DNAH17: variants seen among roughly 807,000 people sequenced by gnomAD.
The protein encoded by DNAH17 is dynein axonemal heavy chain 17.
In DNAH17, 376 loss-of-function variants were observed where a neutral mutation model predicts 485.6. The observed-to-expected ratio is 0.77, with a 90% confidence interval of 0.71 to 0.84. DNAH17 has a LOEUF of 0.84. DNAH17 is among the 40% of genes least tolerant of loss of function. The pLI is 0.00. For missense variants in DNAH17, 6,370 were observed against 5,839.3 expected, an observed-to-expected ratio of 1.09 and a Z score of -2.96; for synonymous variants, 3,031 against 2,405.9, an observed-to-expected ratio of 1.26 and a Z score of -7.60.
chr17:78,496,304 C>G (rs924722762), intron 37 of DNAH17, among the ~76,000 whole-genome samples: 7 of 151,918 alleles, frequency 4.6e-5, no homozygotes, highest in African/African-American at 1.7e-4. Flanking sequence ...TTGAGCCCAG[C>G]CTAGGCAACA....
intron 14 of DNAH17, among the ~76,000 whole-genome samples, chr17:78,557,512 G>A (rs150898421): frequency 7.3e-5 from 11 of 151,640 alleles, no homozygotes; most frequent in Non-Finnish European, 1.0e-4. Context: ...GGTGGTACAC[G>A]CCTGTAGTCC....
At chr17:78,562,694 G>A (rs778517447) in intron 11 of DNAH17, among the ~76,000 whole-genome samples, 6 of 152,138 alleles carry the variant, frequency 3.9e-5, no homozygotes, top group African/African-American at 1.4e-4. Flanking sequence ...TTATATACCT[G>A]GGCTTCTACT....
chr17:78,554,461 A>AAAAAAC, intron 14 of DNAH17, among the ~76,000 whole-genome samples: 1 of 147,022 alleles, frequency 6.8e-6, no homozygotes, highest in Non-Finnish European at 1.5e-5. Flanking sequence ...AAAAAAAAAA[A>AAAAAAC]AAAAAAAAAA....
intron 25 of DNAH17, among the ~76,000 whole-genome samples, chr17:78,519,055 A>C (rs946342191): frequency 6.6e-5 from 10 of 150,560 alleles, no homozygotes; most frequent in African/African-American, 1.5e-4. Flanking sequence ...GTAGTCCCAG[A>C]TACTCGGGAG....
At chr17:78,538,079 G>GCAA (rs1440598923) in intron 18 of DNAH17, among the ~76,000 whole-genome samples, 1 of 147,548 alleles carries the variant, frequency 6.8e-6, no homozygotes, top group Non-Finnish European at 1.5e-5. Flanking sequence ...GGCGGAGGTT[G>GCAA]CAATGAGCTG....
In DNAH17 at chr17:78,435,595, C is replaced by T. The variant is rs116833150; in HGVS notation, c.12034-1375G>A. On this transcript the variant is annotated intron_variant, in intron 74 of 80. Coordinates refer to ENST00000389840, the MANE Select transcript of DNAH17 (RefSeq NM_173628.4). ...CCTCAGTGCCCCGATCCCTGTCTGT[C>T]GCTGACTGACACTTTGCAAAATACA... 1.2e-3 allele frequency among the ~76,000 whole-genome samples: 182 copies of T among 152,330 alleles called. 1 individual carries two copies. The highest frequency in any genetic ancestry group is 6.8e-3 in the Middle Eastern group (2 of 292).
intron 56 of DNAH17, among the ~76,000 whole-genome samples, chr17:78,464,610 G>A (rs184192019): frequency 1.3e-4 from 20 of 152,342 alleles, no homozygotes; most frequent in East Asian, 9.7e-4. Flanking sequence ...TGTCGGACCC[G>A]TCTTTCCTCT....
chr17:78,568,229 A>G (rs9302881), intron 9 of DNAH17, among the ~76,000 whole-genome samples: 62,331 of 151,898 alleles, frequency 0.41, 13,262 homozygotes, highest in African/African-American at 0.5. Flanking sequence ...TCCTTGGCCC[A>G]AAGTGTGACT....
chr17:78,575,289 C>T (rs895459375), intron 1 of DNAH17, among the ~76,000 whole-genome samples: 2 of 152,134 alleles, frequency 1.3e-5, no homozygotes, highest in Non-Finnish European at 2.9e-5. Flanking sequence ...ATGGGGGGTG[C>T]CCCGGGAGTG....
intron 30 of DNAH17, among the ~76,000 whole-genome samples, chr17:78,505,708 G>A (rs1443061077): frequency 6.6e-6 from 1 of 152,204 alleles, no homozygotes; most frequent in Non-Finnish European, 1.5e-5. Flanking sequence ...GTGGGGCATG[G>A]TGGCTCACAC....
intron 42 of DNAH17, among the ~76,000 whole-genome samples, chr17:78,491,896 G>A (rs2089874200): frequency 2.6e-5 from 4 of 152,196 alleles, no homozygotes; most frequent in Admixed American, 2.6e-4. Flanking sequence ...ACCCAGCTCT[G>A]TCCATCTGTC....
rs755247916 is a variant in DNAH17, at chr17:78,525,211, C to A, written c.3712-50G>T. 9 of 1,584,512 alleles carry A rather than the reference C, an allele frequency of 5.7e-6. No individual in the cohort carries two copies. In the African/African-American group the frequency reaches 1.1e-4, roughly 19 times the overall value. ...GTAGGGCTACCTACCCTCAGCGGTG[C>A]CCCACCCCACTCCCCGACGTTCTGC... is the stretch of plus-strand genomic sequence containing the variant. On this transcript the variant is annotated intron_variant, in intron 24 of 80. Transcript: ENST00000389840.
At chr17:78,533,150 C>G (rs554175501) in intron 19 of DNAH17, 1 of 184,408 alleles carries the variant, frequency 5.4e-6, no homozygotes, top group East Asian at 1.5e-4. Context: ...TGGGGAACCC[C>G]GAGATGACTC....
intron 63 of DNAH17, among the ~76,000 whole-genome samples, chr17:78,454,906 C>A (rs1178050945): frequency 6.6e-6 from 1 of 151,254 alleles, no homozygotes. Context: ...ACAGCAACAC[C>A]GGGCCACGTT....
Position 78,462,983 on chromosome 17 carries a change from T to A in DNAH17, c.9035A>T (p.Tyr3012Phe), listed in dbSNP as rs778661545. Residue 3012 changes from tyrosine (Y) to phenylalanine (F), a missense_variant, in exon 57 of 81, where the codon TAC becomes TTC. Physicochemically the swap from Tyr to Phe is conservative, Grantham distance 22. Coordinates refer to ENST00000389840, the MANE Select transcript of DNAH17 (RefSeq NM_173628.4). ...AAAGGTTTTGGGTGTGGTGTAGTTGTAGCGCCTCTCAGTAGCCAGGTATAC... is the reference window on the plus strand; with the variant it reads ...AAAGGTTTTGGGTGTGGTGTAGTTGAAGCGCCTCTCAGTAGCCAGGTATAC... ...SRVYLATERRYNYTTPKTFLE... is the reference protein window; with the variant it reads ...SRVYLATERRFNYTTPKTFLE... 1 of 1,614,034 alleles carries A rather than the reference T, an allele frequency of 6.2e-7. No homozygotes were observed.
chr17:78,542,985 T>TTG (rs1457575864), intron 17 of DNAH17, among the ~76,000 whole-genome samples: 22 of 152,174 alleles, frequency 1.4e-4, no homozygotes, highest in Admixed American at 6.5e-5. Flanking sequence ...CATACCCACA[T>TTG]TGTGCTGGGC....
At chr17:78,501,002 G>T in intron 35 of DNAH17, 182 bp downstream of exon 35, 1 of 631,928 alleles carries the variant, frequency 1.6e-6, no homozygotes, top group Non-Finnish European at 2.4e-6. Context: ...CTCTCCCAAG[G>T]CCACACAGCC....
At chr17:78,556,825 T>C (rs1057101782) in intron 14 of DNAH17, among the ~76,000 whole-genome samples, 2 of 152,130 alleles carry the variant, frequency 1.3e-5, no homozygotes, top group South Asian at 2.1e-4. Context: ...AGCAATAAAA[T>C]TGACTCACGT....
intron 16 of DNAH17, among the ~76,000 whole-genome samples, chr17:78,544,347 G>T (rs914952428): frequency 1.3e-5 from 2 of 152,186 alleles, no homozygotes; most frequent in Non-Finnish European, 2.9e-5. Context: ...GTCGAGGAGT[G>T]TGTGGTCAAT....
Sources: allele counts gnomAD v4.1 joint callset (sites outside exome capture counted in the v4.1 genomes callset), GRCh38; gene constraint gnomAD v4.1.1; transcripts MANE v1.5; gene names NCBI Gene and HGNC (gene_info 2026-07-23, HGNC 2026-07-21).